ZFYVE9: variants seen among roughly 807,000 people sequenced by gnomAD.
The protein encoded by ZFYVE9 is zinc finger FYVE-type containing 9.
Under a neutral mutation model 126.7 loss-of-function variants are expected in ZFYVE9, and 43 were observed. That is an observed-to-expected ratio of 0.34 (90% confidence interval 0.27 to 0.44). ZFYVE9 has a LOEUF of 0.44. ZFYVE9 is among the 20% of genes least tolerant of loss of function. The pLI, the probability that ZFYVE9 is intolerant of heterozygous loss-of-function variation, is 1.00. For missense variants in ZFYVE9, 1,476 were observed against 1,697.0 expected, an observed-to-expected ratio of 0.87 and a Z score of 2.29; for synonymous variants, 521 against 597.4, an observed-to-expected ratio of 0.87 and a Z score of 1.87.
chr1:52,299,974 A>C (rs547522553), intron 12 of ZFYVE9, among the ~76,000 whole-genome samples: 1 of 152,334 alleles, frequency 6.6e-6, no homozygotes, highest in South Asian at 2.1e-4. Flanking sequence ...TGCAGTGGTC[A>C]TGGGGACCAT....
intron 3 of ZFYVE9, among the ~76,000 whole-genome samples, chr1:52,233,818 A>G (rs1307452828): frequency 2.0e-5 from 3 of 152,150 alleles, no homozygotes; most frequent in Non-Finnish European, 4.4e-5. Flanking sequence ...TTTTTGAGAA[A>G]GTCTTGCTCT....
In ZFYVE9 at chr1:52,174,762, C is replaced by G. The variant is rs199738016; in HGVS notation, c.-143+32359C>G. Among the ~76,000 whole-genome samples, 5 of 152,170 alleles carry G rather than the reference C, an allele frequency of 3.3e-5. No individual in the cohort carries two copies. In the East Asian group the frequency reaches 7.7e-4, roughly 24 times the overall value. ...TGATCCCTTTACCATTATGTAATGG[C>G]CTTCTTTGTCTCTTTTGATCTTTGT... On this transcript the variant is annotated intron_variant, in intron 1 of 18. Transcript: ENST00000287727.
intron 13 of ZFYVE9, among the ~76,000 whole-genome samples, chr1:52,322,757 A>G (rs1646253461): frequency 6.6e-6 from 1 of 151,886 alleles, no homozygotes; most frequent in African/African-American, 2.4e-5. Context: ...TCAGAATGAC[A>G]CAAGTCCTCT....
chr1:52,212,779 T>C (rs1169466083), intron 1 of ZFYVE9, among the ~76,000 whole-genome samples: 3 of 152,220 alleles, frequency 2.0e-5, no homozygotes, highest in Non-Finnish European at 4.4e-5. Flanking sequence ...GGTGAACTTA[T>C]GGTTTAGTGT....
intron 1 of ZFYVE9, among the ~76,000 whole-genome samples, chr1:52,185,071 G>GA (rs1351644044): frequency 6.6e-6 from 1 of 152,192 alleles, no homozygotes; most frequent in Non-Finnish European, 1.5e-5. Flanking sequence ...GTTTGCTTGG[G>GA]AGTGGAACCT....
At chr1:52,164,100 C>T (rs1024197313) in intron 1 of ZFYVE9, among the ~76,000 whole-genome samples, 3 of 151,918 alleles carry the variant, frequency 2.0e-5, no homozygotes, top group East Asian at 3.9e-4. Context: ...TATAGATGCG[C>T]ACCACCACAC....
chr1:52,258,746 T>G (rs1157769077), intron 4 of ZFYVE9, among the ~76,000 whole-genome samples: 4 of 152,222 alleles, frequency 2.6e-5, no homozygotes, highest in African/African-American at 9.6e-5. Flanking sequence ...AAGAGTCATC[T>G]ACTTTTCTAG....
chr1:52,175,887 A>G (rs999049628), intron 1 of ZFYVE9, among the ~76,000 whole-genome samples: 5 of 152,030 alleles, frequency 3.3e-5, no homozygotes, highest in African/African-American at 1.2e-4. Context: ...TATTCTAGTT[A>G]TACATTTGTC....
intron 1 of ZFYVE9, among the ~76,000 whole-genome samples, chr1:52,215,756 A>G (rs1322969471): frequency 6.6e-6 from 1 of 152,188 alleles, no homozygotes; most frequent in Non-Finnish European, 1.5e-5. Context: ...ATATTGTCGT[A>G]TTTTCACAAG....
At chr1:52,159,471 T>C (rs982097035) in intron 1 of ZFYVE9, among the ~76,000 whole-genome samples, 10 of 152,184 alleles carry the variant, frequency 6.6e-5, no homozygotes, top group South Asian at 4.1e-4. Flanking sequence ...CAGAGTGCGA[T>C]GCAGGTCTGA....
At chr1:52,295,503 G>A (rs563462116) in intron 11 of ZFYVE9, among the ~76,000 whole-genome samples, 1 of 152,044 alleles carries the variant, frequency 6.6e-6, no homozygotes, top group Admixed American at 6.6e-5. Flanking sequence ...GACTACAGGT[G>A]CATGCTACCA....
rs1405058534 is a variant in ZFYVE9, at chr1:52,142,998, C to G, written c.-143+595C>G. ...GAAATTTCATCACCTGCCGGTTGCT[C>G]ATTCCTGCCTCTTTATATTATATCT... On this transcript the variant is annotated intron_variant, in intron 1 of 18. Transcript: ENST00000287727. The surrounding 1 kb of genome is among the most constrained non-coding windows in gnomAD (Gnocchi z 4.5). Among the ~76,000 whole-genome samples, 2 of 152,212 alleles carry G rather than the reference C, an allele frequency of 1.3e-5. No individual in the cohort carries two copies. The highest frequency in any genetic ancestry group is 6.5e-5 in the Admixed American group (1 of 15,284).
chr1:52,289,692 G>A lies in ZFYVE9; in HGVS notation c.3026-3761G>A, dbSNP rs1206874682. ...TTCTTATACCCACTGTTTTATTTTTGCCAATATCTACACCTGTGCAGTGTT... is the reference window on the plus strand; with the variant it reads ...TTCTTATACCCACTGTTTTATTTTTACCAATATCTACACCTGTGCAGTGTT... On this transcript the variant is annotated intron_variant, in intron 10 of 18. Coordinates refer to ENST00000287727, the MANE Select transcript of ZFYVE9 (RefSeq NM_004799.4). Among the ~76,000 whole-genome samples the A allele has an allele frequency of 2.0e-5, 3 of 150,286 alleles. No homozygotes were observed. The East Asian group carries it at 5.9e-4, about 30-fold the overall frequency.
intron 1 of ZFYVE9, among the ~76,000 whole-genome samples, chr1:52,164,200 G>A (rs1644491266): frequency 6.7e-6 from 1 of 149,914 alleles, no homozygotes; most frequent in Non-Finnish European, 1.5e-5. Context: ...AAAAGACAAT[G>A]AGTATATATC....
At position 52,155,901 on chromosome 1, in the gene ZFYVE9, A is replaced by G. The variant is rs532117581; in HGVS notation, c.-143+13498A>G. On this transcript the variant is annotated intron_variant, in intron 1 of 18. Transcript: ENST00000287727. ...GTGTTGGCATGATTGCGACCACTGG[A>G]CTCTTAAAACTTTGCTGAAATGGAA... Among the ~76,000 whole-genome samples, 250 of 152,152 alleles carry G rather than the reference A, an allele frequency of 1.6e-3. 1 individual carries two copies. The highest frequency in any genetic ancestry group is 5.8e-3 in the African/African-American group (242 of 41,510).
chr1:52,340,957 G>A (rs930655327), intron 17 of ZFYVE9, among the ~76,000 whole-genome samples: 2 of 147,276 alleles, frequency 1.4e-5, no homozygotes, highest in African/African-American at 5.1e-5. Context: ...GGTGGCTCAC[G>A]CCTGTAATCC....
intron 17 of ZFYVE9, among the ~76,000 whole-genome samples, chr1:52,340,735 A>T (rs1022519997): frequency 6.6e-6 from 1 of 151,922 alleles, no homozygotes; most frequent in Non-Finnish European, 1.5e-5. Context: ...CCCCATACCC[A>T]CTAAAAATAC....
At chr1:52,278,932 G>T (rs566127804) in intron 9 of ZFYVE9, among the ~76,000 whole-genome samples, 5 of 151,780 alleles carry the variant, frequency 3.3e-5, no homozygotes, top group Middle Eastern at 6.8e-3. Context: ...GTAGAGACAG[G>T]GTTTCACTGT....
At chr1:52,222,821 C>G (rs919102137) in intron 2 of ZFYVE9, among the ~76,000 whole-genome samples, 3 of 152,188 alleles carry the variant, frequency 2.0e-5, no homozygotes, top group Admixed American at 6.5e-5. Flanking sequence ...AGTAAGTTTT[C>G]CCTGATTAAC....
Sources: allele counts gnomAD v4.1 joint callset (sites outside exome capture counted in the v4.1 genomes callset), GRCh38; gene constraint gnomAD v4.1.1; non-coding constraint Gnocchi (gnomAD v3.1); transcripts MANE v1.5; gene names NCBI Gene and HGNC (gene_info 2026-07-23, HGNC 2026-07-21).